Variants in PRDM15 observed in about 807,000 individuals in gnomAD.
PRDM15 encodes the protein PR domain zinc finger protein 15.
Under a neutral mutation model 128.6 loss-of-function variants are expected in PRDM15, and 64 were observed. The observed-to-expected ratio is 0.50, with a 90% CI of 0.41 to 0.61. The LOEUF (loss-of-function observed/expected upper bound fraction) is 0.61. PRDM15 is among the 20% of genes least tolerant of loss of function. The pLI, the probability that PRDM15 is intolerant of heterozygous loss-of-function variation, is 0.00. For missense variants in PRDM15, 1,242 were observed against 1,569.1 expected (o/e 0.79, Z 3.52); for synonymous variants, 615 against 621.8 (o/e 0.99, Z 0.16).
Position 41,859,189 on chromosome 21 carries a change from C to T in PRDM15, c.131+403G>A. 1 of 1,613,988 alleles carries T rather than the reference C, an allele frequency of 6.2e-7. No individual in the cohort carries two copies. The highest frequency in any genetic ancestry group is 8.5e-7 in the Non-Finnish European group (1 of 1,180,006). ...TGTCCTCATAACCCCGCATCCCCTGCCCCGCCTGGGTGTGCACGTGTCCGC... is the reference window on the plus strand; with the variant it reads ...TGTCCTCATAACCCCGCATCCCCTGTCCCGCCTGGGTGTGCACGTGTCCGC... On this transcript the variant is annotated intron_variant, in intron 3 of 23. Coordinates refer to ENST00000398548, the MANE Select transcript of PRDM15 (RefSeq NM_001040424.3). The surrounding 1 kb of genome is among the most constrained non-coding windows in gnomAD (Gnocchi z 5.3).
In PRDM15 at chr21:41,802,808, G is replaced by C; in HGVS notation, c.2847C>G (p.Pro949=). ...AGTATTCGCTGAAGGTGGCGTCCTC[G>C]GGCACCGGAGCACCCGCCTCCTCTT... The part of the protein sequence containing the change: ...KPEEEAGAPV[P]EDATFSEYSE... The change falls in exon 23 of 24, where the codon CCC becomes CCG. Residue 949 remains proline (P), a synonymous_variant. Transcript: ENST00000398548. 6.2e-7 allele frequency: 1 copy of C among 1,614,054 alleles called. No individual in the cohort carries two copies. Among genetic ancestry groups the C allele is most frequent in the Non-Finnish European group, 8.5e-7 (1 of 1,179,984 alleles).
chr21:41,810,964 C>A lies in PRDM15; in HGVS notation c.2393-128G>T. The A allele has an allele frequency of 1.3e-6, 1 of 775,534 alleles. No individual in the cohort carries two copies. Among genetic ancestry groups the A allele is most frequent in the Non-Finnish European group, 2.2e-6 (1 of 457,712 alleles). The allele number at this position is 775,534 out of a possible 1,614,324, so 48.0% of individuals were successfully genotyped here. On this transcript the variant is annotated intron_variant, in intron 19 of 23. Coordinates refer to ENST00000398548, the MANE Select transcript of PRDM15 (RefSeq NM_001040424.3). The surrounding 1 kb of genome is among the most constrained non-coding windows in gnomAD (Gnocchi z 6.4). ...CAGGAGAAGGTGAATTGCAAGAAGA[C>A]AGCAGACAATGAACGCTCATCCCCA... is the stretch of plus-strand genomic sequence containing the variant.
chr21:41,820,027 C>T (rs2062197601), intron 17 of PRDM15, 68 bp downstream of exon 17: 2 of 1,333,992 alleles, frequency 1.5e-6, no homozygotes, highest in East Asian at 4.6e-5. Context: ...ACGCGGAGAC[C>T]CCCAGCATCC....
Position 41,847,206 on chromosome 21 carries a change from A to G in PRDM15, c.539-15T>C. ...GGTGCCTGCAGCTTCAAAAGACATG[A>G]GAGGAGAAAAAGGTGACCCCCAAGC... On this transcript the variant is annotated splice_polypyrimidine_tract_variant and intron_variant, in intron 5 of 23. Transcript: ENST00000398548. The G allele has an allele frequency of 1.3e-6, 2 of 1,536,704 alleles. No homozygotes were observed. The highest frequency in any genetic ancestry group is 1.8e-6 in the Non-Finnish European group (2 of 1,135,342).
intron 1 of PRDM15, chr21:41,872,033 T>C (rs928230702): frequency 1.3e-5 from 2 of 157,878 alleles, no homozygotes; most frequent in African/African-American, 4.8e-5. Flanking sequence ...AGCAAATAGC[T>C]ATTATATAGC....
intron 11 of PRDM15, among the ~76,000 whole-genome samples, chr21:41,833,463 C>T (rs1237967135): frequency 2.0e-5 from 3 of 152,314 alleles, no homozygotes; most frequent in East Asian, 1.9e-4. Context: ...ATGGGGAAGG[C>T]GTGACTCCCA....
In PRDM15 at chr21:41,810,700, C is replaced by T. The variant is rs1601774762; in HGVS notation, c.2476+53G>A. The T allele has an allele frequency of 3.5e-6, 5 of 1,436,550 alleles. No individual in the cohort carries two copies. The African/African-American group carries it at 5.6e-5, about 16-fold the overall frequency. 89.0% of individuals were successfully genotyped at this position (1,436,550 alleles called of 1,614,324 possible). On this transcript the variant is annotated intron_variant, in intron 20 of 23. Transcript: ENST00000398548. This position sits in a 1 kb window ranked among gnomAD's most constrained non-coding sequence, Gnocchi z 6.4. ...CCACCCCAGCAGGCACTCAGACAGCCCCGGCAGCCTGCCGCGTGCGCCCCG... is the reference window on the plus strand; with the variant it reads ...CCACCCCAGCAGGCACTCAGACAGCTCCGGCAGCCTGCCGCGTGCGCCCCG...
intron 17 of PRDM15, 190 bp from the exon 18 acceptor site, chr21:41,819,891 G>A: frequency 1.2e-6 from 1 of 800,692 alleles, no homozygotes; most frequent in South Asian, 1.7e-5. Flanking sequence ...GATCCCTGAG[G>A]ACCTGGAGGG....
chr21:41,848,212 C>T (rs9974708), intron 5 of PRDM15, among the ~76,000 whole-genome samples: 97,910 of 152,146 alleles, frequency 0.64, 31,918 homozygotes, highest in Admixed American at 0.72. Context: ...ATGCATTCAG[C>T]ACTAGAAAAA....
chr21:41,854,617 C>A lies in PRDM15; in HGVS notation c.487G>T (p.Ala163Ser), dbSNP rs1568990539. 6.2e-7 allele frequency: 1 copy of A among 1,613,728 alleles called. No homozygotes were observed. Among genetic ancestry groups the A allele is most frequent in the African/African-American group, 1.3e-5 (1 of 75,064 alleles). Residue 163 changes from alanine to serine, a missense_variant, in exon 5 of 24, where the codon GCC (alanine) becomes TCC (serine). Transcript: ENST00000398548. The surrounding 1 kb of genome is among the most constrained non-coding windows in gnomAD (Gnocchi z 4.6). ...ELRVWYAAFY[A>S]KKMDKPMLKQ... ...AGCATGGGCTTGTCCATCTTCTTGGCATAGAAGGCCGCATACCACACGCGC... is the reference window on the plus strand; with the variant it reads ...AGCATGGGCTTGTCCATCTTCTTGGAATAGAAGGCCGCATACCACACGCGC...
At chr21:41,824,954 C>G (rs73357715) in intron 13 of PRDM15, among the ~76,000 whole-genome samples, 3,302 of 152,378 alleles carry the variant, frequency 0.022, 112 homozygotes, top group African/African-American at 0.075. Flanking sequence ...CCTGTGCTCC[C>G]AGCTGCTGAA....
chr21:41,867,267 T>C, intron 1 of PRDM15: 1 of 1,559,922 alleles, frequency 6.4e-7, no homozygotes, highest in Non-Finnish European at 8.8e-7. Flanking sequence ...CAAAAGGAGT[T>C]AAGATGCAAC....
chr21:41,873,274 A>C (rs570996782), intron 1 of PRDM15, among the ~76,000 whole-genome samples: 1 of 152,266 alleles, frequency 6.6e-6, no homozygotes, highest in African/African-American at 2.4e-5. Flanking sequence ...TAGTTTCCGT[A>C]GGAGGGCGCA....
At chr21:41,806,046 CACCACCACCACCATCACCAT>C (rs2061571485) in intron 21 of PRDM15, among the ~76,000 whole-genome samples, 1 of 116,924 alleles carries the variant, frequency 8.6e-6, no homozygotes, top group Non-Finnish European at 1.9e-5. Context: ...CCACCACCAT[CACCACCACCACCATCACCAT>C]CACCACCACC....
At chr21:41,850,871 C>T (rs1047973950) in intron 5 of PRDM15, among the ~76,000 whole-genome samples, 4 of 152,182 alleles carry the variant, frequency 2.6e-5, no homozygotes, top group South Asian at 2.1e-4. Flanking sequence ...TAGAAGACGG[C>T]GCCACTGATC....
intron 1 of PRDM15, among the ~76,000 whole-genome samples, chr21:41,869,756 A>G (rs1211454667): frequency 6.6e-6 from 1 of 152,224 alleles, no homozygotes; most frequent in East Asian, 1.9e-4. Flanking sequence ...GAAAAGTCTT[A>G]TAAGTATACA....
chr21:41,812,949 A>G (rs2146295521), intron 19 of PRDM15: 1 of 152,406 alleles, frequency 6.6e-6, no homozygotes, highest in Non-Finnish European at 1.5e-5. Context: ...GTGGCACGTA[A>G]TTATGTATGT....
chr21:41,816,726 A>G (rs1407900486), intron 18 of PRDM15, among the ~76,000 whole-genome samples: 1 of 152,058 alleles, frequency 6.6e-6, no homozygotes, highest in East Asian at 1.9e-4. Context: ...GCTACGAGAA[A>G]ACTGCGCGGC....
At chr21:41,806,442 T>TCACCACCACCACCAC (rs1320731514) in intron 21 of PRDM15, among the ~76,000 whole-genome samples, 1 of 8,770 alleles carries the variant, frequency 1.1e-4, no homozygotes, top group Non-Finnish European at 2.4e-4. Flanking sequence ...ACCACCACCA[T>TCACCACCACCACCAC]CACCACCACC....
Sources: allele counts gnomAD v4.1 joint callset (sites outside exome capture counted in the v4.1 genomes callset), GRCh38; gene constraint gnomAD v4.1.1; non-coding constraint Gnocchi (gnomAD v3.1); transcripts MANE v1.5; gene names NCBI Gene and HGNC (gene_info 2026-07-23, HGNC 2026-07-21).